The following VPS13B variants were observed in gnomAD, a reference collection of about 807,000 sequenced individuals.
VPS13B encodes intermembrane lipid transfer protein VPS13B.
Under a neutral mutation model 426.4 loss-of-function variants are expected in VPS13B, and 285 were observed. That is an observed-to-expected ratio of 0.67 (90% CI 0.61 to 0.74). VPS13B has a LOEUF of 0.74. Ranked by LOEUF, VPS13B falls within the 30% of genes least tolerant of loss-of-function variation. VPS13B has a pLI of 0.00. For missense variants in VPS13B, 4,537 were observed against 4,782.6 expected (o/e 0.95, Z 1.51); for synonymous variants, 1,676 against 1,676.4 (o/e 1.00, Z 0.01).
intron 33 of VPS13B, among the ~76,000 whole-genome samples, chr8:99,631,847 G>T (rs978047988): frequency 6.6e-6 from 1 of 151,704 alleles, no homozygotes. Context: ...ATGCTCAATA[G>T]CAATTTGATG....
At chr8:99,214,543 T>A (rs1479748542) in intron 17 of VPS13B, among the ~76,000 whole-genome samples, 1 of 152,206 alleles carries the variant, frequency 6.6e-6, no homozygotes, top group African/African-American at 2.4e-5. Flanking sequence ...TCATTTTTTT[T>A]ACCAGCATTT....
intron 33 of VPS13B, among the ~76,000 whole-genome samples, chr8:99,640,058 A>AGAAGAAGAAGAAGAAGAAGAAG (rs1400114054): frequency 7.3e-5 from 5 of 68,434 alleles, no homozygotes; most frequent in African/African-American, 2.3e-4. Flanking sequence ...AGAGAAAAGA[A>AGAAGAAGAAGAAGAAGAAGAAG]AAGAAAAGAA....
At chr8:99,854,479 G>C (rs1016932375) in intron 56 of VPS13B, among the ~76,000 whole-genome samples, 1 of 152,120 alleles carries the variant, frequency 6.6e-6, no homozygotes, top group Non-Finnish European at 1.5e-5. Flanking sequence ...TTTCCTCATC[G>C]ATAAAATGGC....
intron 44 of VPS13B, among the ~76,000 whole-genome samples, chr8:99,816,185 C>G (rs1297648576): frequency 1.3e-5 from 2 of 151,256 alleles, no homozygotes; most frequent in African/African-American, 4.9e-5. Context: ...TCACCGCAAC[C>G]TCCACCTGCC....
At chr8:99,121,048 ATC>A in intron 7 of VPS13B, 127 bp from the exon 8 acceptor site, 1 of 755,458 alleles carries the variant, frequency 1.3e-6, no homozygotes, top group Non-Finnish European at 2.1e-6. Flanking sequence ...AATAGTAATA[ATC>A]ACTGTATCAT....
intron 22 of VPS13B, among the ~76,000 whole-genome samples, chr8:99,433,052 C>G (rs1817196055): frequency 6.6e-6 from 1 of 152,156 alleles, no homozygotes; most frequent in Non-Finnish European, 1.5e-5. Context: ...ACATACGTGT[C>G]AATTAAGCTA....
At chr8:99,125,318 C>T (rs376714923) in intron 8 of VPS13B, among the ~76,000 whole-genome samples, 5 of 152,070 alleles carry the variant, frequency 3.3e-5, no homozygotes, top group South Asian at 2.1e-4. Context: ...CCAGCACAGG[C>T]GAAAGATGAA....
intron 14 of VPS13B, among the ~76,000 whole-genome samples, chr8:99,149,280 C>T (rs534378755): frequency 4.6e-5 from 7 of 152,166 alleles, no homozygotes; most frequent in Non-Finnish European, 1.0e-4. Flanking sequence ...CAATGTATTG[C>T]TTTCTGAGTT....
In VPS13B at chr8:99,868,400, G is replaced by T; in HGVS notation, c.11327G>T (p.Gly3776Val). ...GGTGTCATCTCGGGTGTGGGGAAAG[G>T]AATCATGGGGGTGTTCACAAAGCCC... The part of the protein sequence containing the change: ...AKGVISGVGK[G>V]IMGVFTKPIG... Residue 3776 changes from glycine (G) to valine (V), a missense_variant, in exon 59 of 62, where the codon GGA becomes GTA. Around this residue, in one of 2 missense-constraint regions of VPS13B, gnomAD observed 4,311 missense variants for 4,474.3 expected, o/e 0.96. Transcript: ENST00000357162. The T allele has an allele frequency of 6.2e-7, 1 of 1,614,140 alleles. No individual in the cohort carries two copies. The highest frequency in any genetic ancestry group is 8.5e-7 in the Non-Finnish European group (1 of 1,180,026).
At position 99,656,092 on chromosome 8, in the gene VPS13B, A is replaced by G. The variant is rs569122154; in HGVS notation, c.5909-5262A>G. Among the ~76,000 whole-genome samples, 4 of 152,336 alleles carry G rather than the reference A, an allele frequency of 2.6e-5. No homozygotes were observed. The South Asian group carries it at 8.3e-4, about 32-fold the overall frequency. ...CTTCTCTTTAGGTATTCCTTATGAC[A>G]TAATATGATGAAATTTGGAGCAGAG... is the stretch of plus-strand genomic sequence containing the variant. On this transcript the variant is annotated intron_variant, in intron 34 of 61. Coordinates refer to ENST00000357162, the MANE Select transcript of VPS13B (RefSeq NM_152564.5).
intron 33 of VPS13B, among the ~76,000 whole-genome samples, chr8:99,601,120 T>C (rs1023615310): frequency 6.6e-6 from 1 of 151,964 alleles, no homozygotes; most frequent in African/African-American, 2.4e-5. Context: ...ATCTACATTA[T>C]GTATTTCTCC....
At chr8:99,274,964 A>G in intron 18 of VPS13B, 117 bp from the exon 19 acceptor site, 6 of 898,538 alleles carry the variant, frequency 6.7e-6, no homozygotes, top group Non-Finnish European at 6.4e-6. Flanking sequence ...ATGTATAGCT[A>G]ATATTATCAA....
chr8:99,569,214 A>C (rs890422136), intron 31 of VPS13B, among the ~76,000 whole-genome samples: 1 of 152,096 alleles, frequency 6.6e-6, no homozygotes, highest in Non-Finnish European at 1.5e-5. Flanking sequence ...ATGTTGCATA[A>C]GAATTGCTCT....
intron 19 of VPS13B, among the ~76,000 whole-genome samples, chr8:99,337,064 G>A (rs1588265700): frequency 6.6e-6 from 1 of 152,132 alleles, no homozygotes; most frequent in South Asian, 2.1e-4. Context: ...ACATGCACAC[G>A]TATGTTTATT....
At chr8:99,816,890 T>C (rs1458805614) in intron 44 of VPS13B, among the ~76,000 whole-genome samples, 1 of 152,176 alleles carries the variant, frequency 6.6e-6, no homozygotes, top group Non-Finnish European at 1.5e-5. Context: ...TATACAGAGA[T>C]TTCTTACTAG....
chr8:99,841,969 ACCTC>A lies in VPS13B; in HGVS notation c.9942+6233_9942+6236del, dbSNP rs1390098752. Among the ~76,000 whole-genome samples, 5 of 151,944 alleles carry A rather than the reference ACCTC, an allele frequency of 3.3e-5. No homozygotes were observed. The East Asian group carries it at 7.8e-4, about 24-fold the overall frequency. ...CAGTCCACCAGGTTGCTTAAAACAG[ACCTC>A]CACCTGAGACCAATCAGGCCCCGTC... On this transcript the variant is annotated intron_variant, in intron 54 of 61. Transcript: ENST00000357162.
intron 21 of VPS13B, among the ~76,000 whole-genome samples, chr8:99,411,858 C>T (rs913868101): frequency 6.6e-6 from 1 of 151,974 alleles, no homozygotes; most frequent in Non-Finnish European, 1.5e-5. Context: ...TGTCAAAGAT[C>T]AGATGGTTGT....
At chr8:99,671,781 C>G (rs1192628457) in intron 35 of VPS13B, among the ~76,000 whole-genome samples, 1 of 152,074 alleles carries the variant, frequency 6.6e-6, no homozygotes, top group Non-Finnish European at 1.5e-5. Context: ...CCTCAGCCCC[C>G]CAAGTTTAGT....
At chr8:99,417,558 G>GTTT in intron 21 of VPS13B, among the ~76,000 whole-genome samples, 1 of 152,126 alleles carries the variant, frequency 6.6e-6, no homozygotes, top group Admixed American at 6.5e-5. Flanking sequence ...TTTTGTTGTT[G>GTTT]TCTATGTGAT....
Sources: allele counts gnomAD v4.1 joint callset (sites outside exome capture counted in the v4.1 genomes callset), GRCh38; gene constraint gnomAD v4.1.1; regional missense constraint gnomAD v4.1.1; transcripts MANE v1.5; gene names NCBI Gene and HGNC (gene_info 2026-07-23, HGNC 2026-07-21).